Variants in NLRP5 observed in about 807,000 individuals in gnomAD.
NLRP5 encodes the protein NACHT, LRR and PYD domains-containing protein 5.
In NLRP5, 93 loss-of-function variants were observed where a neutral mutation model predicts 113.1. The ratio of observed to expected loss-of-function variants is 0.82; its 90% CI spans 0.70 to 0.98. The LOEUF (loss-of-function observed/expected upper bound fraction) is 0.98, where lower values mean the gene tolerates loss of function less well. Among genes scored for constraint, NLRP5 ranks in the 50% least tolerant of loss-of-function variants. The pLI, the probability that NLRP5 is intolerant of heterozygous loss-of-function variation, is 0.00. For missense variants in NLRP5, 1,808 were observed against 1,514.3 expected (o/e 1.19, Z -3.22); for synonymous variants, 751 against 600.7 (o/e 1.25, Z -3.66).
intron 9 of NLRP5, among the ~76,000 whole-genome samples, chr19:56,034,446 C>T (rs1444760032): frequency 2.6e-5 from 4 of 152,184 alleles, no homozygotes; most frequent in Non-Finnish European, 5.9e-5. Context: ...CATACTATCG[C>T]ATAATATCAA....
At chr19:56,033,054 T>C (rs556474644) in intron 8 of NLRP5, among the ~76,000 whole-genome samples, 82 of 152,026 alleles carry the variant, frequency 5.4e-4, no homozygotes, top group Non-Finnish European at 1.1e-3. Flanking sequence ...AAGACCAGCC[T>C]GGCCAACATG....
chr19:56,030,181 C>A (rs1308272160), intron 7 of NLRP5, among the ~76,000 whole-genome samples: 1 of 151,890 alleles, frequency 6.6e-6, no homozygotes, highest in Non-Finnish European at 1.5e-5. Context: ...ACCAGCCTGG[C>A]CAACATAGTG....
At chr19:56,024,402 G>A (rs10417889) in intron 6 of NLRP5, among the ~76,000 whole-genome samples, 12,190 of 126,022 alleles carry the variant, frequency 0.097, 623 homozygotes, top group South Asian at 0.24. Flanking sequence ...ATACATATAT[G>A]TACATATATG....
chr19:56,057,497 C>T (rs1984200090), intron 13 of NLRP5, among the ~76,000 whole-genome samples: 1 of 152,190 alleles, frequency 6.6e-6, no homozygotes, highest in African/African-American at 2.4e-5. Context: ...TCCGCAAGCA[C>T]AGTGTACAGG....
At chr19:56,007,692 T>G (rs536393354) in intron 2 of NLRP5, among the ~76,000 whole-genome samples, 1 of 151,112 alleles carries the variant, frequency 6.6e-6, no homozygotes, top group African/African-American at 2.5e-5. Flanking sequence ...CATCAAACTT[T>G]CCTTTCAGCA....
rs1406682974 is a variant in NLRP5, at chr19:56,027,867, T to C, written c.1634T>C (p.Val545Ala). Residue 545 changes from valine (V) to alanine (A), a missense_variant, in exon 7 of 15, where the codon GTG becomes GCG. Physicochemically the swap from Val to Ala is moderately conservative, Grantham distance 64. Transcript: ENST00000390649. ...GAGGGAGTGTGGAATAGGAAGTCAG[T>C]GTTTGACGGTGACGACCTCATGGTT... The C allele has an allele frequency of 4.3e-6, 7 of 1,613,908 alleles. No homozygotes were observed. Among genetic ancestry groups the C allele is most frequent in the Non-Finnish European group, 5.9e-6 (7 of 1,179,856 alleles).
At chr19:56,044,945 AGTTGT>A (rs1376008671) in intron 11 of NLRP5, among the ~76,000 whole-genome samples, 6 of 152,080 alleles carry the variant, frequency 3.9e-5, no homozygotes, top group South Asian at 2.1e-4. Flanking sequence ...TATATTCCCA[AGTTGT>A]GTTGTGTTGT....
intron 7 of NLRP5, among the ~76,000 whole-genome samples, chr19:56,028,763 T>C (rs552325963): frequency 2.0e-5 from 3 of 152,158 alleles, no homozygotes; most frequent in South Asian, 2.1e-4. Context: ...CCCAGGAATA[T>C]GTGGTTTATT....
At chr19:56,042,520 T>G (rs1401837634) in intron 11 of NLRP5, among the ~76,000 whole-genome samples, 2 of 152,186 alleles carry the variant, frequency 1.3e-5, no homozygotes, top group African/African-American at 4.8e-5. Flanking sequence ...GGCTACTTTT[T>G]GTATTTTTAG....
intron 11 of NLRP5, among the ~76,000 whole-genome samples, chr19:56,041,566 A>G (rs568793345): frequency 2.0e-5 from 3 of 152,280 alleles, no homozygotes; most frequent in South Asian, 2.1e-4. Context: ...GACAAAGCCT[A>G]TCTGACACAA....
intron 6 of NLRP5, among the ~76,000 whole-genome samples, chr19:56,024,340 TAAAA>T (rs771516465): frequency 1.8e-5 from 2 of 110,226 alleles, no homozygotes; most frequent in African/African-American, 3.5e-5. Context: ...CATCTCTGCT[TAAAA>T]AAAAAAAAAA....
the NLRP5 span, chr19:55,988,646 A>AC: frequency 6.6e-6 from 1 of 151,598 alleles, no homozygotes; most frequent in South Asian, 2.1e-4. Flanking sequence ...TCGTTTCCTT[A>AC]CCCACCCCTG....
rs1332622403 is a variant in NLRP5, at chr19:56,007,902, T to TGTGC, written c.443-885_443-884insTGCG. ...GTGTGTGTGTGTGCGCGTGCGCGCG[T>TGTGC]GCGTGTGTGTGTGTGTGTGTGTGTG... On this transcript the variant is annotated intron_variant, in intron 2 of 14. Coordinates refer to ENST00000390649, the MANE Select transcript of NLRP5 (RefSeq NM_153447.4). Among the ~76,000 whole-genome samples the TGTGC allele has an allele frequency of 1.1e-3, 56 of 48,750 alleles. 1 individual carries two copies. The East Asian group carries it at 0.046, about 40-fold the overall frequency. The allele number at this position is 48,750 out of a possible 152,430, so 32.0% of individuals were successfully genotyped here.
upstream of NLRP5, among the ~76,000 whole-genome samples, chr19:55,997,663 C>A (rs1315050644): frequency 6.6e-6 from 1 of 151,630 alleles, no homozygotes; most frequent in African/African-American, 2.4e-5. Context: ...AAAACCCCAT[C>A]TCTACCAAAA....
At chr19:56,033,315 G>A (rs1983194415) in intron 8 of NLRP5, among the ~76,000 whole-genome samples, 1 of 152,126 alleles carries the variant, frequency 6.6e-6, no homozygotes, top group Non-Finnish European at 1.5e-5. Context: ...CACCAGGTTT[G>A]GACGGGTTTG....
At chr19:56,057,714 C>T (rs946275251) in intron 13 of NLRP5, among the ~76,000 whole-genome samples, 1 of 152,106 alleles carries the variant, frequency 6.6e-6, no homozygotes, top group Non-Finnish European at 1.5e-5. Flanking sequence ...AGTAGCCTCA[C>T]CTGGGAACTC....
intron 3 of NLRP5, among the ~76,000 whole-genome samples, chr19:56,010,685 A>G (rs1408783296): frequency 1.4e-5 from 2 of 140,400 alleles, no homozygotes; most frequent in Non-Finnish European, 3.0e-5. Flanking sequence ...CCCAGGAGGT[A>G]GAGGTTGTGG....
intron 10 of NLRP5, among the ~76,000 whole-genome samples, chr19:56,038,659 G>GA (rs1323899217): frequency 7.9e-5 from 12 of 152,122 alleles, no homozygotes; most frequent in African/African-American, 2.7e-4. Flanking sequence ...GCTCAAAAAG[G>GA]AGGAGGGTCA....
At chr19:55,996,753 G>A (rs1008328449), upstream of NLRP5, among the ~76,000 whole-genome samples, 4 of 152,144 alleles carry the variant, frequency 2.6e-5, no homozygotes, top group African/African-American at 9.7e-5. Context: ...CATTTGGGTT[G>A]GTTCCAAGTC....
Sources: gnomAD v4.1 joint callset for allele counts (sites outside exome capture counted in the v4.1 genomes callset) on GRCh38, gnomAD v4.1.1 for gene constraint, MANE v1.5 for transcripts, NCBI Gene and HGNC (gene_info 2026-07-23, HGNC 2026-07-21) for gene names.